The following LMF1 variants were observed in gnomAD, a reference collection of about 807,000 sequenced individuals.
LMF1 encodes the protein lipase maturation factor 1, also known as transmembrane protein 112.
A neutral mutation model predicts 60.6 loss-of-function variants in LMF1; 68 were observed. The observed-to-expected ratio is 1.12, with a 90% CI of 0.92 to 1.37. The LOEUF is 1.37. LMF1 is among the 40% of genes most tolerant of loss of function. The probability of loss-of-function intolerance (pLI) is 0.00; values close to 1 mark genes in which losing one functional copy is unlikely to be tolerated. For synonymous variants in LMF1, 418 were observed against 324.7 expected (o/e 1.29, Z -3.09); for missense variants, 948 against 767.2 (o/e 1.24, Z -2.78).
Position 879,588 on chromosome 16 carries a change from C to T in LMF1, c.879G>A (p.Val293=), listed in dbSNP as rs374396697. 6 of 1,612,944 alleles carry T rather than the reference C, an allele frequency of 3.7e-6. No homozygotes were observed. The African/African-American group carries it at 6.7e-5, about 18-fold the overall frequency. Residue 293 remains valine (V), a synonymous_variant, in exon 6 of 11, where the codon GTG becomes GTA. Transcript: ENST00000262301. ...GGCTCACCTGGAACAGGATCTGCAG[C>T]ACCCCGTGGATGATGCACGCCCGCC... The part of the protein sequence containing the change: ...LGRRACIIHG[V]LQILFQAVLI...
At chr16:970,665 G>C (rs2073024017) in intron 1 of LMF1, 123 bp downstream of exon 1, 2 of 902,830 alleles carry the variant, frequency 2.2e-6, no homozygotes, top group South Asian at 3.8e-5. Flanking sequence ...GGCCCCAGCA[G>C]GAAGGAGGGC....
At chr16:871,451 C>T (rs2069791331) in intron 6 of LMF1, 110 bp from the exon 7 acceptor site, 1 of 1,098,694 alleles carries the variant, frequency 9.1e-7, no homozygotes, top group Non-Finnish European at 1.3e-6. Flanking sequence ...GCACCCAGCT[C>T]TGCCCTTGCT....
intron 5 of LMF1, among the ~76,000 whole-genome samples, chr16:887,395 G>A (rs543388720): frequency 6.6e-6 from 1 of 152,350 alleles, no homozygotes; most frequent in Admixed American, 6.5e-5. Flanking sequence ...GGCCGGGCCA[G>A]GCTGAGCACT....
chr16:956,256 G>C (rs952579578), intron 1 of LMF1, among the ~76,000 whole-genome samples: 6 of 151,758 alleles, frequency 4.0e-5, no homozygotes, highest in Non-Finnish European at 8.8e-5. Flanking sequence ...CACATCCACA[G>C]GTCTCCGAGT....
intron 10 of LMF1, among the ~76,000 whole-genome samples, chr16:860,386 C>G (rs912736219): frequency 1.3e-5 from 2 of 151,612 alleles, no homozygotes; most frequent in Admixed American, 6.6e-5. Flanking sequence ...GTTGCCCAGG[C>G]TGGAGTGTGG....
intron 2 of LMF1, among the ~76,000 whole-genome samples, chr16:934,948 T>C (rs80186576): frequency 0.021 from 3,128 of 152,308 alleles, 112 homozygotes; most frequent in African/African-American, 0.072. Context: ...GCGGGCAGGA[T>C]GCACCAATGC....
chr16:956,893 G>A (rs1235892349), intron 1 of LMF1, among the ~76,000 whole-genome samples: 4 of 150,176 alleles, frequency 2.7e-5, no homozygotes, highest in South Asian at 2.1e-4. Flanking sequence ...GGTGGCTCAC[G>A]CCTGTAATTC....
At chr16:939,492 T>C (rs2072036616) in intron 2 of LMF1, among the ~76,000 whole-genome samples, 1 of 152,262 alleles carries the variant, frequency 6.6e-6, no homozygotes, top group Admixed American at 6.5e-5. Flanking sequence ...CAGACCACCC[T>C]GTGGCCACCA....
At chr16:854,772 C>CAG in intron 10 of LMF1, 66 bp from the exon 11 acceptor site, 1 of 1,426,762 alleles carries the variant, frequency 7.0e-7, no homozygotes, top group Non-Finnish European at 9.5e-7. Flanking sequence ...GGCTCCTCAG[C>CAG]CTGCTGCTGA....
chr16:867,405 G>C (rs1389744318), intron 10 of LMF1, among the ~76,000 whole-genome samples: 2 of 152,192 alleles, frequency 1.3e-5, no homozygotes, highest in African/African-American at 4.8e-5. Flanking sequence ...CCTTCCTCTG[G>C]GCCAGCTCCA....
At chr16:870,913 G>A (rs758401546) in intron 7 of LMF1, 31 bp from the exon 8 acceptor site, 1 of 1,574,734 alleles carries the variant, frequency 6.4e-7, no homozygotes. Context: ...TCCAGGTGGG[G>A]CTCCCAGCTG....
chr16:969,643 G>C (rs2072999349), intron 1 of LMF1, among the ~76,000 whole-genome samples: 1 of 152,246 alleles, frequency 6.6e-6, no homozygotes, highest in South Asian at 2.1e-4. Context: ...CAATGCCCAC[G>C]GCCTACAACC....
chr16:877,730 C>T (rs552025427), intron 6 of LMF1, among the ~76,000 whole-genome samples: 73 of 152,236 alleles, frequency 4.8e-4, no homozygotes, highest in African/African-American at 1.5e-3. Context: ...GGACAGCACT[C>T]GAGCCCGCCC....
intron 2 of LMF1, among the ~76,000 whole-genome samples, chr16:936,722 C>T (rs559609201): frequency 6.6e-6 from 1 of 152,342 alleles, no homozygotes; most frequent in African/African-American, 2.4e-5. Context: ...AATAAATTTA[C>T]CCCCAAAATG....
chr16:879,483 G>A lies in LMF1; in HGVS notation c.897+87C>T, dbSNP rs1376768224. On this transcript the variant is annotated intron_variant, in intron 6 of 10. Coordinates refer to ENST00000262301, the MANE Select transcript of LMF1 (RefSeq NM_022773.4). ...GAAAGGGGGCCTGTAATGCCCCAGG[G>A]TCCTCCCAGAGAGCGGGGCAGCCAG... 11 of 1,475,624 alleles carry A rather than the reference G, an allele frequency of 7.5e-6. No individual in the cohort carries two copies. The African/African-American group carries it at 1.1e-4, about 15-fold the overall frequency. The allele number at this position is 1,475,624 out of a possible 1,614,324, so 91.4% of individuals were successfully genotyped here. A position where few individuals can be genotyped will look rare whatever the true frequency, so the allele number is the denominator to read the frequency against.
intron 1 of LMF1, among the ~76,000 whole-genome samples, chr16:956,161 C>G (rs1482626188): frequency 8.3e-6 from 1 of 120,986 alleles, no homozygotes; most frequent in Non-Finnish European, 1.7e-5. Flanking sequence ...GTTCATGTCT[C>G]ACGGCGCCCA....
chr16:948,851 A>T, intron 2 of LMF1, among the ~76,000 whole-genome samples: 1 of 114,368 alleles, frequency 8.7e-6, no homozygotes. Context: ...CCAACGACAG[A>T]GTCAGCCAAC....
chr16:954,833 T>C (rs1467225815), intron 1 of LMF1, among the ~76,000 whole-genome samples, 167 bp from the exon 2 acceptor site: 1 of 152,124 alleles, frequency 6.6e-6, no homozygotes, highest in African/African-American at 2.4e-5. Flanking sequence ...TTTCTCAAGA[T>C]TTTGGGGGAA....
Position 959,201 on chromosome 16 carries a change from CG to C in LMF1, c.194-4536del, listed in dbSNP as rs1204647097. 3.3e-5 allele frequency among the ~76,000 whole-genome samples: 5 copies of C among 152,208 alleles called. No individual in the cohort carries two copies. The South Asian group carries it at 8.3e-4, about 25-fold the overall frequency. On this transcript the variant is annotated intron_variant, in intron 1 of 10. Coordinates refer to ENST00000262301, the MANE Select transcript of LMF1 (RefSeq NM_022773.4). ...TTCACGGTGGAAGTGGATAAATAAC[CG>C]GAGGTGCATTTGTGCAACAGAAAAA...
Sources: allele counts gnomAD v4.1 joint callset (sites outside exome capture counted in the v4.1 genomes callset), GRCh38; gene constraint gnomAD v4.1.1; transcripts MANE v1.5; gene names NCBI Gene and HGNC (gene_info 2026-07-23, HGNC 2026-07-21).